The following PAFAH2 variants were observed in gnomAD, a reference collection of about 807,000 sequenced individuals.
PAFAH2 encodes the protein platelet-activating factor acetylhydrolase 2, cytoplasmic.
In PAFAH2, 42 loss-of-function variants were observed where a neutral mutation model predicts 49.0. The ratio of observed to expected loss-of-function variants is 0.86; its 90% CI spans 0.67 to 1.11. The LOEUF (loss-of-function observed/expected upper bound fraction) is 1.11. Among genes scored for constraint, PAFAH2 ranks in the 50% least tolerant of loss-of-function variants. The pLI is 0.00. For missense variants in PAFAH2, 503 were observed against 501.8 expected (o/e 1.00, Z -0.02); for synonymous variants, 184 against 181.3 (o/e 1.01, Z -0.12).
At chr1:25,967,325 T>C (rs546404502) in intron 10 of PAFAH2, among the ~76,000 whole-genome samples, 2 of 152,164 alleles carry the variant, frequency 1.3e-5, no homozygotes, top group East Asian at 1.9e-4. Flanking sequence ...GCAGTTGAAA[T>C]TGGTTTTGTT....
At chr1:25,980,586 C>T (rs186601542) in intron 7 of PAFAH2, among the ~76,000 whole-genome samples, 2 of 148,010 alleles carry the variant, frequency 1.4e-5, no homozygotes, top group Non-Finnish European at 3.0e-5. Flanking sequence ...GGGTTACAGG[C>T]GTGAGCCACC....
At chr1:25,984,337 TTAAA>T (rs760189219) in intron 5 of PAFAH2, 119 bp downstream of exon 5, 44 of 834,278 alleles carry the variant, frequency 5.3e-5, no homozygotes, top group Non-Finnish European at 7.8e-5. Flanking sequence ...TTTCTCTCCT[TTAAA>T]AGTGGTATAA....
intron 7 of PAFAH2, 58 bp downstream of exon 7, chr1:25,982,302 GTTAC>G: frequency 1.6e-6 from 2 of 1,216,448 alleles, no homozygotes; most frequent in Non-Finnish European, 2.4e-6. Flanking sequence ...TTAGGTTTCT[GTTAC>G]TTGTAACCGA....
intron 10 of PAFAH2, among the ~76,000 whole-genome samples, chr1:25,970,611 G>A (rs762734281): frequency 4.6e-5 from 7 of 152,024 alleles, no homozygotes; most frequent in South Asian, 2.1e-4. Flanking sequence ...TTTTGGAGAC[G>A]GTATCACTCT....
At chr1:25,971,793 C>G (rs1475046289) in intron 10 of PAFAH2, among the ~76,000 whole-genome samples, 1 of 152,226 alleles carries the variant, frequency 6.6e-6, no homozygotes, top group African/African-American at 2.4e-5. Flanking sequence ...TGGACCTCTG[C>G]AGGCCTCGCC....
At chr1:25,996,201 T>TAA (rs1002406724) in intron 1 of PAFAH2, among the ~76,000 whole-genome samples, 2 of 142,688 alleles carry the variant, frequency 1.4e-5, no homozygotes, top group African/African-American at 5.1e-5. Context: ...ATAAAAAAAT[T>TAA]AAAAAAAAAA....
chr1:25,989,589 G>C lies in PAFAH2; in HGVS notation c.103C>G (p.Arg35Gly). The C allele has an allele frequency of 6.3e-7, 1 of 1,583,758 alleles. No individual in the cohort carries two copies. The highest frequency in any genetic ancestry group is 8.6e-7 in the Non-Finnish European group (1 of 1,165,884). ...EGQNLQGSFF[R>G]LFYPCQKAEE... is the part of the protein sequence containing the mutation. ...GCCTTTTGGCAGGGGTAGAAGAGTC[G>C]AAAGAAGCTCCCCTGTAGGAAAGAA... The change falls in exon 3 of 11, where the codon CGA becomes GGA. Residue 35 changes from arginine to glycine, a missense_variant. By Grantham distance (125) the Arg-to-Gly change is moderately radical (BLOSUM62 -2). Coordinates refer to ENST00000374282, the MANE Select transcript of PAFAH2 (RefSeq NM_000437.4).
At chr1:25,965,817 CAAAAAAAAA>C (rs56272061) in intron 10 of PAFAH2, among the ~76,000 whole-genome samples, 1 of 17,362 alleles carries the variant, frequency 5.8e-5, no homozygotes, top group Non-Finnish European at 9.1e-5. Flanking sequence ...GACTTTGTCT[CAAAAAAAAA>C]AAAAAAAAAA....
chr1:25,961,095 CA>C lies in PAFAH2; in HGVS notation c.*893del, dbSNP rs1418431254. 2 of 152,314 alleles carry C rather than the reference CA, an allele frequency of 1.3e-5. No homozygotes were observed. Among genetic ancestry groups the C allele is most frequent in the Non-Finnish European group, 2.9e-5 (2 of 68,154 alleles). 9.4% of individuals were successfully genotyped at this position (152,314 alleles called of 1,614,324 possible). On this transcript the variant is annotated 3_prime_UTR_variant, in exon 11 of 11. Transcript: ENST00000374282. The stretch of plus-strand genomic sequence containing the variant: ...TGTTGGGATTACAGGCATGAGCCAC[CA>C]CGCCCAGCCTTCTTTATTTTTAAGA...
At chr1:25,971,646 C>G (rs890457554) in intron 10 of PAFAH2, among the ~76,000 whole-genome samples, 1 of 152,162 alleles carries the variant, frequency 6.6e-6, no homozygotes, top group Non-Finnish European at 1.5e-5. Context: ...ATTTCTATAA[C>G]TGCACTCCCA....
At chr1:25,994,424 G>A (rs2049913448) in intron 1 of PAFAH2, among the ~76,000 whole-genome samples, 1 of 152,076 alleles carries the variant, frequency 6.6e-6, no homozygotes, top group East Asian at 1.9e-4. Context: ...GAGCCACCGT[G>A]CCAGCCCTGC....
rs949362276 is a variant in PAFAH2 at position 25,980,698 on chromosome 1, CATACA to C, written c.666+1661_666+1665del. Reference sequence around the variant, plus strand: ...TGCACATACACACACCATTCTTATTCATACAATACAATATGATATGGCTATTAAAA... The same window carrying C: ...TGCACATACACACACCATTCTTATTCATACAATATGATATGGCTATTAAAA... On this transcript the variant is annotated intron_variant, in intron 7 of 10. Coordinates refer to ENST00000374282, the MANE Select transcript of PAFAH2 (RefSeq NM_000437.4). Among the ~76,000 whole-genome samples the C allele has an allele frequency of 3.3e-5, 5 of 149,970 alleles. No homozygotes were observed. In the East Asian group the frequency reaches 9.8e-4, roughly 29 times the overall value.
chr1:25,969,494 G>C (rs970070970), intron 10 of PAFAH2, among the ~76,000 whole-genome samples: 1 of 152,176 alleles, frequency 6.6e-6, no homozygotes, highest in African/African-American at 2.4e-5. Flanking sequence ...TTACATATTG[G>C]CTTTGCCACT....
At chr1:25,984,190 T>A in intron 5 of PAFAH2, 103 bp from the exon 6 acceptor site, 1 of 1,370,694 alleles carries the variant, frequency 7.3e-7, no homozygotes, top group South Asian at 1.2e-5. Context: ...TAGATCACCC[T>A]TTGGCTAGTA....
chr1:25,977,462 G>A (rs1441753259), intron 7 of PAFAH2, among the ~76,000 whole-genome samples: 1 of 151,284 alleles, frequency 6.6e-6, no homozygotes, highest in African/African-American at 2.4e-5. Context: ...ACCAGCCAGG[G>A]CTCAAACACA....
At position 25,986,952 on chromosome 1, in the gene PAFAH2, T is replaced by C. The variant is rs567075394; in HGVS notation, c.341+1279A>G. 7.2e-5 allele frequency among the ~76,000 whole-genome samples: 11 copies of C among 152,090 alleles called. No individual in the cohort carries two copies. The South Asian group carries it at 1.9e-3, about 26-fold the overall frequency. On this transcript the variant is annotated intron_variant, in intron 4 of 10. Coordinates refer to ENST00000374282, the MANE Select transcript of PAFAH2 (RefSeq NM_000437.4). ...GACAAGATCATATTTCGTTTTAAAA[T>C]AGATCTCCCTGACAGGCGCGGTGGC...
chr1:25,967,966 G>A (rs1352593923), intron 10 of PAFAH2, among the ~76,000 whole-genome samples: 2 of 152,100 alleles, frequency 1.3e-5, no homozygotes, highest in African/African-American at 4.8e-5. Context: ...AAGAGTTTGA[G>A]TCCAGCCTGG....
chr1:25,961,289 C>T lies in PAFAH2; in HGVS notation c.*700G>A, dbSNP rs1407390156. 1 of 152,108 alleles carries T rather than the reference C, an allele frequency of 6.6e-6. No individual in the cohort carries two copies. Among genetic ancestry groups the T allele is most frequent in the Non-Finnish European group, 1.5e-5 (1 of 68,034 alleles). The allele number at this position is 152,108 out of a possible 1,614,324, so 9.4% of individuals were successfully genotyped here. The stretch of plus-strand genomic sequence containing the variant: ...CTATCAAGATACACTTAGCAAAACC[C>T]CCAAAGACATCCAGAGCTTCTGAGG... On this transcript the variant is annotated 3_prime_UTR_variant, in exon 11 of 11. Transcript: ENST00000374282.
At chr1:25,970,464 T>C (rs1314371418) in intron 10 of PAFAH2, among the ~76,000 whole-genome samples, 1 of 151,952 alleles carries the variant, frequency 6.6e-6, no homozygotes, top group Non-Finnish European at 1.5e-5. Context: ...AGAGACAGAG[T>C]GAGACTCCGT....
Sources: allele counts gnomAD v4.1 joint callset (sites outside exome capture counted in the v4.1 genomes callset), GRCh38; gene constraint gnomAD v4.1.1; transcripts MANE v1.5; gene names NCBI Gene and HGNC (gene_info 2026-07-23, HGNC 2026-07-21).